The following PARD3 variants were observed in gnomAD, a reference collection of about 807,000 sequenced individuals.
PARD3 encodes par-3 family cell polarity regulator.
In PARD3, 75 loss-of-function variants were observed where a neutral mutation model predicts 155.4. The observed-to-expected ratio is 0.48, with a 90% CI of 0.40 to 0.58. The LOEUF is 0.58. Ranked by LOEUF, PARD3 falls within the 20% of genes least tolerant of loss-of-function variation. The probability of loss-of-function intolerance (pLI) is 0.00; values close to 1 mark genes in which losing one functional copy is unlikely to be tolerated. For missense variants in PARD3, 1,642 were observed against 1,721.7 expected, an observed-to-expected ratio of 0.95 and a Z score of 0.82; for synonymous variants, 576 against 610.5, an observed-to-expected ratio of 0.94 and a Z score of 0.83.
intron 2 of PARD3, among the ~76,000 whole-genome samples, chr10:34,684,820 C>CAA: frequency 8.0e-6 from 1 of 125,630 alleles, no homozygotes; most frequent in Non-Finnish European, 1.6e-5. Flanking sequence ...CACACACACA[C>CAA]ACACACACAC....
chr10:34,172,753 A>C (rs112759257), intron 22 of PARD3, among the ~76,000 whole-genome samples: 1 of 135,666 alleles, frequency 7.4e-6, no homozygotes, highest in Non-Finnish European at 1.7e-5. Context: ...AAACAACAAA[A>C]AAAAAAACAA....
chr10:34,640,708 CAAAAAAAAAAAAA>C lies in PARD3; in HGVS notation c.222+55597_222+55609del, dbSNP rs59111039. ...TGGACAACAGAGTGAGACTCCATCT[CAAAAAAAAAAAAA>C]AAAAAAAAAAAAAAAGCACTTTTAG... On this transcript the variant is annotated intron_variant, in intron 2 of 24. Transcript: ENST00000374788. 3.4e-3 allele frequency among the ~76,000 whole-genome samples: 82 copies of C among 24,018 alleles called. 3 individuals carry two copies. The South Asian group carries it at 0.035, about 10-fold the overall frequency. 15.8% of individuals were successfully genotyped at this position (24,018 alleles called of 152,430 possible). A position where few individuals can be genotyped will look rare whatever the true frequency, so the allele number is the denominator to read the frequency against.
chr10:34,444,760 C>A lies in PARD3; in HGVS notation c.714+5557G>T, dbSNP rs78349657. Reference sequence around the variant, plus strand: ...GATTCACTATCCCCGTAAGTAGGACCAATACCACCCAAAGAATAAGACACC... The same window carrying A: ...GATTCACTATCCCCGTAAGTAGGACAAATACCACCCAAAGAATAAGACACC... On this transcript the variant is annotated intron_variant, in intron 5 of 24. Transcript: ENST00000374788. Among the ~76,000 whole-genome samples the A allele has an allele frequency of 2.5e-3, 374 of 152,292 alleles. 3 individuals carry two copies. The highest frequency in any genetic ancestry group is 8.3e-3 in the African/African-American group (345 of 41,568).
At chr10:34,370,538 A>G (rs1840479793) in intron 12 of PARD3, among the ~76,000 whole-genome samples, 2 of 152,090 alleles carry the variant, frequency 1.3e-5, no homozygotes, top group African/African-American at 4.8e-5. Context: ...AAGTGCTAGG[A>G]TTACAGGTGT....
chr10:34,340,295 C>T (rs1836666750), intron 16 of PARD3, among the ~76,000 whole-genome samples: 1 of 152,170 alleles, frequency 6.6e-6, no homozygotes, highest in Admixed American at 6.5e-5. Flanking sequence ...AGGCTTTTGT[C>T]CCTAAGATGA....
intron 2 of PARD3, chr10:34,675,498 T>C (rs2093688265): frequency 6.6e-6 from 1 of 152,242 alleles, no homozygotes; most frequent in African/African-American, 2.4e-5. Context: ...TCATCTATGC[T>C]ATAAACTGAA....
rs183262062 is a variant in PARD3 at position 34,741,325 on chromosome 10, G to A, written c.121-44906C>T. Among the ~76,000 whole-genome samples the A allele has an allele frequency of 7.1e-4, 108 of 151,390 alleles. 1 individual carries two copies. The highest frequency in any genetic ancestry group is 2.5e-3 in the African/African-American group (104 of 41,250). On this transcript the variant is annotated intron_variant, in intron 1 of 24. Transcript: ENST00000374788. The stretch of plus-strand genomic sequence containing the variant: ...TCAGCCTCCCTAGTAGCTGGACTAC[G>A]GGCATGCACCACCACATCTGGCTAA...
chr10:34,334,443 A>T (rs1835941117), intron 18 of PARD3, among the ~76,000 whole-genome samples: 1 of 151,636 alleles, frequency 6.6e-6, no homozygotes, highest in South Asian at 2.1e-4. Flanking sequence ...TGGCTAGGCT[A>T]GACAGATGTT....
chr10:34,427,187 A>G (rs2075657363), intron 5 of PARD3, among the ~76,000 whole-genome samples: 1 of 152,236 alleles, frequency 6.6e-6, no homozygotes, highest in Admixed American at 6.5e-5. Flanking sequence ...GGAACAAGGG[A>G]GATAACCTGA....
At chr10:34,639,292 A>G (rs925199263) in intron 2 of PARD3, among the ~76,000 whole-genome samples, 1 of 152,164 alleles carries the variant, frequency 6.6e-6, no homozygotes, top group South Asian at 2.1e-4. Context: ...GCTACTCGGG[A>G]GGCTGAGGTA....
chr10:34,529,563 A>G (rs1363183389), intron 2 of PARD3, among the ~76,000 whole-genome samples: 1 of 152,166 alleles, frequency 6.6e-6, no homozygotes, highest in East Asian at 1.9e-4. Flanking sequence ...TTGACTCACC[A>G]AAAACTTAAC....
intron 2 of PARD3, among the ~76,000 whole-genome samples, chr10:34,653,688 C>G (rs1486867813): frequency 6.6e-6 from 1 of 150,954 alleles, no homozygotes; most frequent in African/African-American, 2.4e-5. Context: ...GAGGCTGAGG[C>G]AGGAGGATCA....
intron 14 of PARD3, among the ~76,000 whole-genome samples, chr10:34,348,393 T>C (rs1431225753): frequency 6.6e-6 from 1 of 152,198 alleles, no homozygotes; most frequent in Admixed American, 6.5e-5. Flanking sequence ...TCAGAGCTTG[T>C]TGTTTATTTT....
intron 23 of PARD3, among the ~76,000 whole-genome samples, chr10:34,131,185 T>TA (rs1947590592): frequency 6.6e-6 from 1 of 152,210 alleles, no homozygotes; most frequent in Non-Finnish European, 1.5e-5. Flanking sequence ...TTACTAAATT[T>TA]AAAAAATGCT....
chr10:34,547,432 T>C (rs755601200), intron 2 of PARD3, among the ~76,000 whole-genome samples: 2 of 152,246 alleles, frequency 1.3e-5, no homozygotes, highest in African/African-American at 2.4e-5. Flanking sequence ...ACATATACCA[T>C]ATGTATTAAA....
intron 22 of PARD3, among the ~76,000 whole-genome samples, chr10:34,173,492 T>C (rs1349030639): frequency 6.6e-6 from 1 of 152,156 alleles, no homozygotes; most frequent in Admixed American, 6.5e-5. Flanking sequence ...ATTGTAACTT[T>C]TTTCCTCCAC....
At chr10:34,471,092 A>G (rs910601531) in intron 3 of PARD3, among the ~76,000 whole-genome samples, 37 of 152,222 alleles carry the variant, frequency 2.4e-4, no homozygotes, top group African/African-American at 8.2e-4. Flanking sequence ...TGTTCAATAA[A>G]GTATTGTCAG....
At chr10:34,792,509 A>T (rs1375910112) in intron 1 of PARD3, among the ~76,000 whole-genome samples, 1 of 152,238 alleles carries the variant, frequency 6.6e-6, no homozygotes, top group Non-Finnish European at 1.5e-5. Flanking sequence ...GTTTAATTAT[A>T]AAAGATTAAA....
chr10:34,605,182 T>A (rs1368650274), intron 2 of PARD3, among the ~76,000 whole-genome samples: 299 of 5,314 alleles, frequency 0.056, 12 homozygotes, highest in African/African-American at 0.088. Flanking sequence ...AAAATGAAAT[T>A]TTTTTTTTTT....
Sources: allele counts gnomAD v4.1 joint callset (sites outside exome capture counted in the v4.1 genomes callset), GRCh38; gene constraint gnomAD v4.1.1; transcripts MANE v1.5; gene names NCBI Gene and HGNC (gene_info 2026-07-23, HGNC 2026-07-21).